Variants in DLEU7 observed in about 807,000 individuals in gnomAD.
DLEU7 encodes the protein deleted in lymphocytic leukemia 7.
In DLEU7, 17 loss-of-function variants were observed where a neutral mutation model predicts 16.0. The observed-to-expected ratio is 1.06, with a 90% confidence interval of 0.73 to 1.59. DLEU7 has a LOEUF of 1.59. DLEU7 is among the 40% of genes most tolerant of loss of function. DLEU7 has a pLI of 0.00. For missense variants in DLEU7, 308 were observed against 314.9 expected (o/e 0.98, Z 0.17); for synonymous variants, 113 against 139.8 (o/e 0.81, Z 1.35).
intron 1 of DLEU7, among the ~76,000 whole-genome samples, chr13:50,773,791 C>T (rs760850983): frequency 7.2e-5 from 11 of 152,200 alleles, no homozygotes; most frequent in Admixed American, 2.0e-4. Flanking sequence ...GCTGGGAGAA[C>T]GACTGCTCTC....
chr13:50,812,156 C>T (rs556134993), intron 1 of DLEU7, among the ~76,000 whole-genome samples: 36 of 150,738 alleles, frequency 2.4e-4, no homozygotes, highest in Non-Finnish European at 4.9e-4. Flanking sequence ...CACTGATTTA[C>T]GGTATTTTTT....
Position 50,815,993 on chromosome 13 carries a change from T to C in DLEU7, c.459+27195A>G, listed in dbSNP as rs534035598. Reference sequence around the variant, plus strand: ...TATCATGGTAAACATTTAAATTTAATTAAGCAAAAGTGTGAGGTCAATTAC... The same window carrying C: ...TATCATGGTAAACATTTAAATTTAACTAAGCAAAAGTGTGAGGTCAATTAC... On this transcript the variant is annotated intron_variant, in intron 1 of 1. Transcript: ENST00000400393. Among the ~76,000 whole-genome samples, 17 of 152,210 alleles carry C rather than the reference T, an allele frequency of 1.1e-4. No individual in the cohort carries two copies. In the East Asian group the frequency reaches 2.7e-3, roughly 24 times the overall value.
intron 1 of DLEU7, among the ~76,000 whole-genome samples, chr13:50,830,705 T>G (rs915877711): frequency 6.6e-6 from 1 of 152,210 alleles, no homozygotes; most frequent in African/African-American, 2.4e-5. Flanking sequence ...TTATTAATTT[T>G]TAGCACATAT....
At chr13:50,754,738 GT>G (rs1185442700) in intron 1 of DLEU7, among the ~76,000 whole-genome samples, 1 of 152,054 alleles carries the variant, frequency 6.6e-6, no homozygotes, top group Non-Finnish European at 1.5e-5. Context: ...GTGTACCTTG[GT>G]TTTTTTGTTT....
intron 1 of DLEU7, among the ~76,000 whole-genome samples, chr13:50,778,862 T>C (rs929925491): frequency 1.1e-4 from 16 of 152,270 alleles, no homozygotes; most frequent in Non-Finnish European, 1.9e-4. Flanking sequence ...TTTTGATTTA[T>C]GTGTTTAATA....
At chr13:50,754,477 A>C (rs1874691342) in intron 1 of DLEU7, among the ~76,000 whole-genome samples, 1 of 152,180 alleles carries the variant, frequency 6.6e-6, no homozygotes, top group South Asian at 2.1e-4. Context: ...TTTTGTCTGA[A>C]ATAAGAATAG....
intron 1 of DLEU7, among the ~76,000 whole-genome samples, chr13:50,750,957 G>C (rs567298022): frequency 5.3e-5 from 8 of 152,130 alleles, no homozygotes; most frequent in Non-Finnish European, 1.2e-4. Flanking sequence ...CTCTGGCTAG[G>C]ACTTTCAGTA....
At chr13:50,787,184 C>A (rs191965014) in intron 1 of DLEU7, among the ~76,000 whole-genome samples, 1 of 152,130 alleles carries the variant, frequency 6.6e-6, no homozygotes, top group South Asian at 2.1e-4. Context: ...CAGTGCCTGG[C>A]GTTTACTTAG....
chr13:50,786,031 C>T (rs1374384859), intron 1 of DLEU7, among the ~76,000 whole-genome samples: 2 of 152,170 alleles, frequency 1.3e-5, no homozygotes, highest in Non-Finnish European at 2.9e-5. Context: ...AAACTCCAGG[C>T]AGCCATCGTT....
At chr13:50,740,196 G>C (rs1874214078) in intron 1 of DLEU7, among the ~76,000 whole-genome samples, 1 of 152,112 alleles carries the variant, frequency 6.6e-6, no homozygotes, top group Admixed American at 6.5e-5. Flanking sequence ...CCATCCTGAT[G>C]ATGGGCAAAT....
intron 1 of DLEU7, among the ~76,000 whole-genome samples, chr13:50,723,538 G>A (rs1345507853): frequency 1.3e-5 from 2 of 152,134 alleles, no homozygotes; most frequent in African/African-American, 2.4e-5. Flanking sequence ...GAGGTTGGAA[G>A]TCTGAGACCA....
rs1877771460 is a variant in DLEU7 at position 50,843,681 on chromosome 13, AG to A, written c.-36del. The stretch of plus-strand genomic sequence containing the variant: ...TGGCGGCCCGGCGCGCTCCGCGTGC[AG>A]GTGGAGCAGCAGCGAGGGAGGCGGG... On this transcript the variant is annotated 5_prime_UTR_variant, in exon 1 of 2. Coordinates refer to ENST00000504404, the MANE Select transcript of DLEU7 (RefSeq NM_001306135.2). The surrounding 1 kb of genome is among the most constrained non-coding windows in gnomAD (Gnocchi z 5.7). 1 of 1,496,158 alleles carries A rather than the reference AG, an allele frequency of 6.7e-7. No homozygotes were observed. 92.7% of individuals were successfully genotyped at this position (1,496,158 alleles called of 1,614,324 possible).
intron 1 of DLEU7, among the ~76,000 whole-genome samples, chr13:50,810,397 T>G (rs73497532): frequency 0.038 from 5,773 of 152,208 alleles, 366 homozygotes; most frequent in African/African-American, 0.13. Flanking sequence ...AAAGGTCATC[T>G]AAACAAAACA....
chr13:50,834,992 A>G (rs1250642153), intron 1 of DLEU7, among the ~76,000 whole-genome samples: 1 of 140,930 alleles, frequency 7.1e-6, no homozygotes, highest in African/African-American at 2.6e-5. Context: ...GAGTTGAACA[A>G]TGAGACCACA....
intron 1 of DLEU7, among the ~76,000 whole-genome samples, chr13:50,768,815 C>G (rs939047146): frequency 2.0e-5 from 3 of 152,116 alleles, no homozygotes; most frequent in Non-Finnish European, 2.9e-5. Context: ...TGGGATGGCT[C>G]GGTCAAATGG....
intron 1 of DLEU7, among the ~76,000 whole-genome samples, chr13:50,815,450 C>T (rs182683110): frequency 2.6e-5 from 4 of 152,112 alleles, no homozygotes; most frequent in African/African-American, 4.8e-5. Flanking sequence ...CACACATATA[C>T]GCACACATAC....
intron 1 of DLEU7, among the ~76,000 whole-genome samples, chr13:50,838,356 C>T (rs914715321): frequency 2.0e-5 from 3 of 152,244 alleles, no homozygotes; most frequent in Non-Finnish European, 4.4e-5. Context: ...TTCCATGAAA[C>T]TTGCTTTAGA....
intron 1 of DLEU7, among the ~76,000 whole-genome samples, chr13:50,765,808 G>A (rs992847862): frequency 1.3e-5 from 2 of 152,164 alleles, no homozygotes; most frequent in Non-Finnish European, 2.9e-5. Flanking sequence ...CATTGTTGTG[G>A]AGGCACTCAA....
chr13:50,775,859 A>T (rs912477537), intron 1 of DLEU7, among the ~76,000 whole-genome samples: 1 of 152,080 alleles, frequency 6.6e-6, no homozygotes. Flanking sequence ...TATAATTCTC[A>T]TCTGTTTTCC....
Sources: gnomAD v4.1 joint callset for allele counts (sites outside exome capture counted in the v4.1 genomes callset) on GRCh38, gnomAD v4.1.1 for gene constraint, Gnocchi (gnomAD v3.1) non-coding constraint, MANE v1.5 for transcripts, NCBI Gene and HGNC (gene_info 2026-07-23, HGNC 2026-07-21) for gene names.